C6orf62: variants seen among roughly 807,000 people sequenced by gnomAD.
C6orf62 encodes the protein uncharacterized protein C6orf62.
In C6orf62, 16 loss-of-function variants were observed where a neutral mutation model predicts 26.8. The observed-to-expected ratio is 0.60, with a 90% CI of 0.40 to 0.91. C6orf62 has a LOEUF of 0.91. Ranked by LOEUF, C6orf62 falls within the 40% of genes least tolerant of loss-of-function variation. The pLI is 0.00. For synonymous variants in C6orf62, 112 were observed against 91.5 expected (o/e 1.22, Z -1.28); for missense variants, 192 against 271.4 (o/e 0.71, Z 2.06).
chr6:24,717,686 TAATA>T (rs1779260902), intron 1 of C6orf62, among the ~76,000 whole-genome samples: 1 of 152,204 alleles, frequency 6.6e-6, no homozygotes, highest in East Asian at 1.9e-4. Context: ...TCCAGATACT[TAATA>T]GATACCACAC....
chr6:24,706,292 T>A (rs1779008484), intron 4 of C6orf62, 30 bp from the exon 5 acceptor site: 1 of 1,612,290 alleles, frequency 6.2e-7, no homozygotes, highest in Non-Finnish European at 8.5e-7. Context: ...TAATATTTTT[T>A]AAAAATAAGA....
intron 3 of C6orf62, among the ~76,000 whole-genome samples, chr6:24,713,286 A>G (rs1401623821): frequency 6.6e-6 from 1 of 152,230 alleles, no homozygotes; most frequent in African/African-American, 2.4e-5. Flanking sequence ...ATCTGTATAC[A>G]GTACTTTCTT....
At chr6:24,706,811 T>G (rs1308633092) in intron 4 of C6orf62, 2 of 153,682 alleles carry the variant, frequency 1.3e-5, no homozygotes, top group Non-Finnish European at 2.9e-5. Context: ...CTCGGGAAGC[T>G]GAGGTGGATA....
chr6:24,705,961 T>TG lies in C6orf62; in HGVS notation c.*175_*176insC. On this transcript the variant is annotated 3_prime_UTR_variant, in exon 5 of 5. Transcript: ENST00000378119. ...TCCGTGCACGACATCTAATTTTTGT[T>TG]TAAGTTCTGAGATAAAAATGATTTA... 1.0e-6 allele frequency: 1 copy of TG among 959,566 alleles called. No homozygotes were observed. The highest frequency in any genetic ancestry group is 1.5e-6 in the Non-Finnish European group (1 of 682,950). The allele number at this position is 959,566 out of a possible 1,614,324, so 59.4% of individuals were successfully genotyped here. A position where few individuals can be genotyped will look rare whatever the true frequency, so the allele number is the denominator to read the frequency against.
intron 3 of C6orf62, among the ~76,000 whole-genome samples, chr6:24,713,913 G>A (rs139072234): frequency 7.9e-5 from 12 of 152,132 alleles, no homozygotes; most frequent in African/African-American, 2.9e-4. Flanking sequence ...TTTATATACA[G>A]ATCAACTTCT....
chr6:24,713,115 T>A (rs566047855), intron 3 of C6orf62, among the ~76,000 whole-genome samples: 1 of 152,220 alleles, frequency 6.6e-6, no homozygotes. Context: ...ACACGTATTT[T>A]AAATCAAAAA....
intron 3 of C6orf62, chr6:24,710,552 C>G: frequency 1.0e-6 from 1 of 982,794 alleles, no homozygotes; most frequent in Non-Finnish European, 1.2e-6. Flanking sequence ...GCGTGAGCAA[C>G]CGCGCCCGGC....
intron 3 of C6orf62, chr6:24,709,855 T>C: frequency 2.0e-6 from 2 of 984,352 alleles, no homozygotes; most frequent in Non-Finnish European, 2.4e-6. Flanking sequence ...ATTTAGACAA[T>C]ACTGAGTTGT....
At chr6:24,715,755 G>A (rs185259376) in intron 2 of C6orf62, among the ~76,000 whole-genome samples, 152 of 150,326 alleles carry the variant, frequency 1.0e-3, no homozygotes, top group Middle Eastern at 6.8e-3. Context: ...GGCTAAGGCA[G>A]GAGAATCATT....
chr6:24,715,407 T>C (rs1189919353), intron 2 of C6orf62, among the ~76,000 whole-genome samples: 1 of 152,158 alleles, frequency 6.6e-6, no homozygotes, highest in African/African-American at 2.4e-5. Context: ...AACGGAGACA[T>C]AAGACATTTA....
chr6:24,720,065 C>G, upstream of C6orf62: 1 of 1,232,876 alleles, frequency 8.1e-7, no homozygotes, highest in Non-Finnish European at 1.0e-6. Context: ...CTCTCTCTCA[C>G]GTTGAACAGA....
chr6:24,709,710 T>A, intron 3 of C6orf62: 1 of 985,454 alleles, frequency 1.0e-6, no homozygotes, highest in Non-Finnish European at 1.2e-6. Context: ...GAACACTCCC[T>A]TCAATCTTTT....
At chr6:24,720,068 T>C, upstream of C6orf62, 1 of 1,238,934 alleles carries the variant, frequency 8.1e-7, no homozygotes, top group Non-Finnish European at 1.0e-6. Flanking sequence ...TCTCTCACGT[T>C]GAACAGACCA....
At chr6:24,709,812 A>G (rs1232240693) in intron 3 of C6orf62, 1 of 985,350 alleles carries the variant, frequency 1.0e-6, no homozygotes, top group Non-Finnish European at 1.2e-6. Flanking sequence ...GGCTTGATGG[A>G]GAATTCAAGA....
chr6:24,719,173 A>AAAC (rs1779302597), upstream of C6orf62: 1 of 985,380 alleles, frequency 1.0e-6, no homozygotes, highest in Non-Finnish European at 1.2e-6. Flanking sequence ...AAAAAAAAAA[A>AAAC]AACTCACCAA....
chr6:24,710,302 G>A lies in C6orf62; in HGVS notation c.430-1391C>T, dbSNP rs886186714. Reference sequence around the variant, plus strand: ...TTTTTTGAGACGGAATTTCGCTCTTGTTGCCCAGGCTGGAGTGCAATGGCG... The same window carrying A: ...TTTTTTGAGACGGAATTTCGCTCTTATTGCCCAGGCTGGAGTGCAATGGCG... On this transcript the variant is annotated intron_variant, in intron 3 of 4. Coordinates refer to ENST00000378119, the MANE Select transcript of C6orf62 (RefSeq NM_030939.5). 5 of 932,854 alleles carry A rather than the reference G, an allele frequency of 5.4e-6. No individual in the cohort carries two copies. The African/African-American group carries it at 5.6e-5, about 10-fold the overall frequency. The allele number at this position is 932,854 out of a possible 1,614,324, so 57.8% of individuals were successfully genotyped here.
At chr6:24,712,690 CAAA>C (rs10574302) in intron 3 of C6orf62, among the ~76,000 whole-genome samples, 99 of 100,660 alleles carry the variant, frequency 9.8e-4, no homozygotes, top group Admixed American at 1.5e-3. Flanking sequence ...GACTCTGTCT[CAAA>C]AAAAAAAAAA....
upstream of C6orf62, chr6:24,719,168 A>C: frequency 1.0e-6 from 1 of 986,518 alleles, no homozygotes; most frequent in Non-Finnish European, 1.2e-6. Flanking sequence ...AAAAAAAAAA[A>C]AAAAAAACTC....
Position 24,718,763 on chromosome 6 carries a change from T to G in C6orf62, c.-95A>C. ...CAAGTACAACAGAAACAAGTCATTT[T>G]TTTTCCTGCTAATATGATTGATTAG... On this transcript the variant is annotated 5_prime_UTR_variant, in exon 1 of 5. Coordinates refer to ENST00000378119, the MANE Select transcript of C6orf62 (RefSeq NM_030939.5). 1 of 1,576,954 alleles carries G rather than the reference T, an allele frequency of 6.3e-7. No homozygotes were observed. Among genetic ancestry groups the G allele is most frequent in the Admixed American group, 2.1e-5 (1 of 48,050 alleles).
Sources: gnomAD v4.1 joint callset for allele counts (sites outside exome capture counted in the v4.1 genomes callset) on GRCh38, gnomAD v4.1.1 for gene constraint, MANE v1.5 for transcripts, NCBI Gene and HGNC (gene_info 2026-07-23, HGNC 2026-07-21) for gene names.